The following NCOR1 variants were observed in gnomAD, a reference collection of about 807,000 sequenced individuals.
NCOR1 encodes protein phosphatase 1, regulatory subunit 109.
In NCOR1, 63 loss-of-function variants were observed where a neutral mutation model predicts 288.1. That is an observed-to-expected ratio of 0.22 (90% confidence interval 0.18 to 0.27). The LOEUF (loss-of-function observed/expected upper bound fraction) is 0.27, where lower values mean the gene tolerates loss of function less well. Among genes scored for constraint, NCOR1 ranks in the 10% least tolerant of loss-of-function variants. NCOR1 has a pLI of 1.00. For synonymous variants in NCOR1, 1,007 were observed against 1,065.9 expected, an observed-to-expected ratio of 0.94 and a Z score of 1.08; for missense variants, 2,397 against 3,019.2, an observed-to-expected ratio of 0.79 and a Z score of 4.83.
At chr17:16,152,298 T>TC (rs2078995860) in intron 7 of NCOR1, among the ~76,000 whole-genome samples, 1 of 151,880 alleles carries the variant, frequency 6.6e-6, no homozygotes, top group African/African-American at 2.4e-5. Context: ...ATGCTATCCC[T>TC]CCCCCATGCC....
At chr17:16,208,778 T>C (rs1389967618) in intron 1 of NCOR1, among the ~76,000 whole-genome samples, 5 of 152,110 alleles carry the variant, frequency 3.3e-5, no homozygotes, top group South Asian at 2.1e-4. Context: ...GGAGGCTGCA[T>C]TGAACTATGA....
At chr17:16,183,356 T>C (rs926186310) in intron 3 of NCOR1, among the ~76,000 whole-genome samples, 1 of 151,132 alleles carries the variant, frequency 6.6e-6, no homozygotes, top group Non-Finnish European at 1.5e-5. Flanking sequence ...CCCAAGATTC[T>C]ACACATTAAA....
intron 10 of NCOR1, 93 bp from the exon 11 acceptor site, chr17:16,143,789 CT>C (rs1248525204): frequency 2.2e-6 from 2 of 889,988 alleles, no homozygotes; most frequent in East Asian, 2.7e-5. Flanking sequence ...CTGAATGGAA[CT>C]TTTTAACCAA....
At chr17:16,162,437 A>G (rs539584225) in intron 5 of NCOR1, among the ~76,000 whole-genome samples, 1 of 151,930 alleles carries the variant, frequency 6.6e-6, no homozygotes, top group East Asian at 1.9e-4. Flanking sequence ...CTTCATATTC[A>G]GGAATATCAG....
rs150399022 is a variant in NCOR1 at position 16,082,496 on chromosome 17, G to A, written c.3178-1769C>T. On this transcript the variant is annotated intron_variant, in intron 23 of 45. Transcript: ENST00000268712. ...TTTGGGAAACCCAGGCAGGAGGATCGCTTGAGGCCAAGAGTCTGAGACCAG... is the reference window on the plus strand; with the variant it reads ...TTTGGGAAACCCAGGCAGGAGGATCACTTGAGGCCAAGAGTCTGAGACCAG... 4.3e-4 allele frequency among the ~76,000 whole-genome samples: 66 copies of A among 152,162 alleles called. No homozygotes were observed. In the East Asian group the frequency reaches 8.9e-3, roughly 20 times the overall value.
At chr17:16,187,298 C>A in intron 2 of NCOR1, among the ~76,000 whole-genome samples, 1 of 150,082 alleles carries the variant, frequency 6.7e-6, no homozygotes. Context: ...AAGCTAGGAA[C>A]TCCAGTCCTA....
At chr17:16,139,229 G>GA in intron 11 of NCOR1, 43 bp from the exon 12 acceptor site, 1 of 1,546,330 alleles carries the variant, frequency 6.5e-7, no homozygotes, top group Admixed American at 1.8e-5. Flanking sequence ...ACATAAACTA[G>GA]AAATTTAAGG....
chr17:16,094,769 G>T (rs1238485248), intron 21 of NCOR1, among the ~76,000 whole-genome samples: 1 of 152,210 alleles, frequency 6.6e-6, no homozygotes, highest in Non-Finnish European at 1.5e-5. Context: ...GTTTCGCTGT[G>T]TTGGCTGGGC....
rs1037588229 is a variant in NCOR1 at position 16,029,251 on chromosome 17, GAC to G, written c.*3043_*3044del. On this transcript the variant is annotated 3_prime_UTR_variant, in exon 46 of 46. Coordinates refer to ENST00000268712, the MANE Select transcript of NCOR1 (RefSeq NM_006311.4). The stretch of plus-strand genomic sequence containing the variant: ...TGTTGGAAACACTAGGAGTTTTCAG[GAC>G]AGTCTCTTCATGTGGGTGTTTTCAT... The G allele has an allele frequency of 8.8e-6, 4 of 453,712 alleles. No homozygotes were observed. The highest frequency in any genetic ancestry group is 2.0e-5 in the African/African-American group (1 of 49,962). 28.1% of individuals were successfully genotyped at this position (453,712 alleles called of 1,614,324 possible). A position where few individuals can be genotyped will look rare whatever the true frequency, so the allele number is the denominator to read the frequency against.
rs1231165835 is a variant in NCOR1 at position 16,030,597 on chromosome 17, A to ACCAACTTT, written c.*1691_*1698dup. 5.5e-6 allele frequency: 1 copy of ACCAACTTT among 180,484 alleles called. No homozygotes were observed. Among genetic ancestry groups the ACCAACTTT allele is most frequent in the East Asian group, 9.1e-5 (1 of 11,008 alleles). 11.2% of individuals were successfully genotyped at this position (180,484 alleles called of 1,614,324 possible). The stretch of plus-strand genomic sequence containing the variant: ...TTTACATATATCTGTTGTAAAAAAT[A>ACCAACTTT]CCAACTTTCCAAGTACTAGGAATGC... On this transcript the variant is annotated 3_prime_UTR_variant, in exon 46 of 46. Coordinates refer to ENST00000268712, the MANE Select transcript of NCOR1 (RefSeq NM_006311.4).
At chr17:16,155,393 C>CACACACACACACA (rs200326632) in intron 6 of NCOR1, among the ~76,000 whole-genome samples, 1 of 149,010 alleles carries the variant, frequency 6.7e-6, no homozygotes, top group African/African-American at 2.5e-5. Context: ...ACACACACAC[C>CACACACACACACA]CACAAAGATA....
At position 16,101,682 on chromosome 17, in the gene NCOR1, A is replaced by G. The variant is rs771131447; in HGVS notation, c.2258T>C (p.Leu753Pro). 15 of 1,614,238 alleles carry G rather than the reference A, an allele frequency of 9.3e-6. No individual in the cohort carries two copies. The highest frequency in any genetic ancestry group is 1.1e-5 in the Non-Finnish European group (13 of 1,180,040). ...GGGTGCAGTTTCCGTGGTGGGCTCAAGCTCAACCGCAGGTTCTGTGTTTCC... is the reference window on the plus strand; with the variant it reads ...GGGTGCAGTTTCCGTGGTGGGCTCAGGCTCAACCGCAGGTTCTGTGTTTCC... ...SRGNTEPAVE[L>P]EPTTETAPST... The change falls in exon 20 of 46, where the codon CTT (leucine) becomes CCT (proline). Residue 753 changes from leucine to proline, a missense_variant. Transcript: ENST00000268712.
intron 15 of NCOR1, among the ~76,000 whole-genome samples, chr17:16,124,353 A>G (rs2073609051): frequency 6.6e-6 from 1 of 152,232 alleles, no homozygotes. Context: ...GTAATTCTAG[A>G]GAAAGCAAAA....
intron 11 of NCOR1, among the ~76,000 whole-genome samples, chr17:16,141,056 T>A (rs1199150850): frequency 6.6e-6 from 1 of 151,312 alleles, no homozygotes; most frequent in Non-Finnish European, 1.5e-5. Context: ...ATGTGCAATA[T>A]GTATTTAGGG....
chr17:16,186,739 C>T, intron 2 of NCOR1, 52 bp from the exon 3 acceptor site: 1 of 1,565,000 alleles, frequency 6.4e-7, no homozygotes, highest in Non-Finnish European at 8.7e-7. Flanking sequence ...TGAACAACAT[C>T]ATGAAATCAA....
At chr17:16,143,570 T>C in intron 11 of NCOR1, 36 bp downstream of exon 11, 1 of 1,518,732 alleles carries the variant, frequency 6.6e-7, no homozygotes, top group Non-Finnish European at 9.1e-7. Context: ...GCTTTAATAA[T>C]TAACGAATTA....
chr17:16,175,872 C>T (rs1051861380), intron 3 of NCOR1, among the ~76,000 whole-genome samples: 2 of 151,530 alleles, frequency 1.3e-5, no homozygotes, highest in African/African-American at 2.4e-5. Context: ...TGGCTAACTA[C>T]CAATCCTCTT....
At chr17:16,108,530 A>G (rs1480729441) in intron 19 of NCOR1, among the ~76,000 whole-genome samples, 1 of 152,220 alleles carries the variant, frequency 6.6e-6, no homozygotes, top group African/African-American at 2.4e-5. Flanking sequence ...ACAGACACAC[A>G]GGTATTTTAT....
chr17:16,039,581 C>T lies in NCOR1; in HGVS notation c.6807G>A (p.Lys2269=). The T allele has an allele frequency of 6.2e-7, 1 of 1,614,148 alleles. No homozygotes were observed. Among genetic ancestry groups the T allele is most frequent in the South Asian group, 1.1e-5 (1 of 91,082 alleles). Residue 2269 remains lysine, a synonymous_variant, in exon 44 of 46, where the codon AAG becomes AAA. Coordinates refer to ENST00000268712, the MANE Select transcript of NCOR1 (RefSeq NM_006311.4). ...TGTCATCAAAGCTTCCCATGAGAGC[C>T]TTCCTGATAATGTCTTCCAGCCCAA... ...SNLGLEDIIR[K]ALMGSFDDKV...
Sources: allele counts gnomAD v4.1 joint callset (sites outside exome capture counted in the v4.1 genomes callset), GRCh38; gene constraint gnomAD v4.1.1; transcripts MANE v1.5; gene names NCBI Gene and HGNC (gene_info 2026-07-23, HGNC 2026-07-21).